The following HIP1 variants were observed in gnomAD, a reference collection of about 807,000 sequenced individuals.
HIP1 encodes the protein huntingtin interacting protein 1, also known as huntingtin-interacting protein 1.
HIP1 carries 65 observed loss-of-function variants against 147.6 expected under a neutral mutation model. The observed-to-expected ratio is 0.44, with a 90% CI of 0.36 to 0.54. HIP1 has a LOEUF of 0.54. HIP1 is among the 20% of genes least tolerant of loss of function. The pLI, the probability that HIP1 is intolerant of heterozygous loss-of-function variation, is 0.00. For synonymous variants in HIP1, 479 were observed against 504.0 expected, an observed-to-expected ratio of 0.95 and a Z score of 0.67; for missense variants, 1,061 against 1,299.6, an observed-to-expected ratio of 0.82 and a Z score of 2.82.
intron 1 of HIP1, among the ~76,000 whole-genome samples, chr7:75,656,343 A>T (rs1351093878): frequency 6.6e-6 from 1 of 151,864 alleles, no homozygotes; most frequent in Non-Finnish European, 1.5e-5. Context: ...TTCAGATGGT[A>T]CCAAACAGTG....
chr7:75,604,705 G>A (rs587673605), intron 1 of HIP1, among the ~76,000 whole-genome samples: 31 of 146,856 alleles, frequency 2.1e-4, no homozygotes, highest in South Asian at 2.1e-3. Context: ...GGAAGGGAGG[G>A]AGGGAGGGAA....
In HIP1 at chr7:75,536,106, C is replaced by G. The variant is rs587610004; in HGVS notation, c.*2066G>C. The G allele has an allele frequency of 1.6e-5, 3 of 192,228 alleles. No homozygotes were observed. The South Asian group carries it at 5.8e-4, about 37-fold the overall frequency. 11.9% of individuals were successfully genotyped at this position (192,228 alleles called of 1,614,324 possible). On this transcript the variant is annotated 3_prime_UTR_variant, in exon 31 of 31. Transcript: ENST00000336926. ...TGGAAATGTTGACCCGCATCAAGAACACACCGATTGGTTTAGTTGCCACAA... is the reference window on the plus strand; with the variant it reads ...TGGAAATGTTGACCCGCATCAAGAAGACACCGATTGGTTTAGTTGCCACAA...
intron 1 of HIP1, among the ~76,000 whole-genome samples, chr7:75,601,023 A>C (rs2117013257): frequency 6.6e-6 from 1 of 151,994 alleles, no homozygotes; most frequent in South Asian, 2.1e-4. Flanking sequence ...CTCCCAAAAC[A>C]CTGGGATTAC....
At position 75,659,609 on chromosome 7, in the gene HIP1, A is replaced by T. The variant is rs192426494; in HGVS notation, c.121-60362T>A. 2.6e-5 allele frequency among the ~76,000 whole-genome samples: 4 copies of T among 152,142 alleles called. No homozygotes were observed. In the East Asian group the frequency reaches 7.8e-4, roughly 30 times the overall value. On this transcript the variant is annotated intron_variant, in intron 1 of 30. Coordinates refer to ENST00000336926, the MANE Select transcript of HIP1 (RefSeq NM_005338.7). ...GGTTGCAGAGAGCCAAGATTGCGCCACTGGACTCCAGCCTGGGTGACAGAG... is the reference window on the plus strand; with the variant it reads ...GGTTGCAGAGAGCCAAGATTGCGCCTCTGGACTCCAGCCTGGGTGACAGAG...
intron 1 of HIP1, among the ~76,000 whole-genome samples, chr7:75,612,949 C>T (rs1554505332): frequency 6.6e-6 from 1 of 151,940 alleles, no homozygotes; most frequent in Non-Finnish European, 1.5e-5. Flanking sequence ...ACTAAAAATA[C>T]AAAAATTAGC....
At chr7:75,619,720 C>T (rs1254812822) in intron 1 of HIP1, among the ~76,000 whole-genome samples, 4 of 152,084 alleles carry the variant, frequency 2.6e-5, no homozygotes, top group African/African-American at 9.7e-5. Context: ...AAGACATTGG[C>T]ATTCGATACC....
intron 9 of HIP1, among the ~76,000 whole-genome samples, chr7:75,563,763 G>A (rs1554495017): frequency 1.3e-5 from 2 of 152,198 alleles, no homozygotes; most frequent in East Asian, 1.9e-4. Context: ...ACTGAGCTCC[G>A]CTGAGCTGTT....
intron 3 of HIP1, 24 bp downstream of exon 3, chr7:75,592,348 C>T (rs1554500961): frequency 6.3e-7 from 1 of 1,588,598 alleles, no homozygotes; most frequent in South Asian, 1.1e-5. Context: ...GGCTCCCTGC[C>T]ACCCCATAGC....
intron 1 of HIP1, among the ~76,000 whole-genome samples, chr7:75,667,557 C>T (rs758043587): frequency 3.8e-4 from 58 of 152,214 alleles, no homozygotes; most frequent in Non-Finnish European, 6.8e-4. Context: ...TCAATCATAG[C>T]TCACTGCAGT....
At chr7:75,655,433 T>A (rs1481510799) in intron 1 of HIP1, among the ~76,000 whole-genome samples, 1 of 151,584 alleles carries the variant, frequency 6.6e-6, no homozygotes, top group Non-Finnish European at 1.5e-5. Flanking sequence ...ACAAAAAAAA[T>A]TAGCCAGGTG....
At chr7:75,652,134 G>A (rs1031519352) in intron 1 of HIP1, among the ~76,000 whole-genome samples, 3 of 151,102 alleles carry the variant, frequency 2.0e-5, no homozygotes, top group Admixed American at 6.6e-5. Flanking sequence ...TGGCCAACAT[G>A]GTGAAACCCC....
At chr7:75,698,635 T>G (rs1800712048) in intron 1 of HIP1, among the ~76,000 whole-genome samples, 1 of 151,794 alleles carries the variant, frequency 6.6e-6, no homozygotes, top group Non-Finnish European at 1.5e-5. Flanking sequence ...CTGGGCAACA[T>G]AGCAAGACCC....
chr7:75,664,294 A>C (rs1291645186), intron 1 of HIP1, among the ~76,000 whole-genome samples: 2 of 77,486 alleles, frequency 2.6e-5, no homozygotes, highest in African/African-American at 1.2e-4. Context: ...ACATATATGT[A>C]TGTATATATG....
intron 1 of HIP1, among the ~76,000 whole-genome samples, chr7:75,734,297 A>G (rs889302996): frequency 8.0e-5 from 12 of 149,952 alleles, no homozygotes; most frequent in African/African-American, 2.7e-4. Context: ...AATTTTAAAG[A>G]TCAGCTAAGC....
intron 1 of HIP1, among the ~76,000 whole-genome samples, chr7:75,703,099 G>A (rs532616464): frequency 9.2e-5 from 14 of 152,242 alleles, no homozygotes; most frequent in Middle Eastern, 3.4e-3. Flanking sequence ...CCTGTAATCC[G>A]AACACACTGG....
At chr7:75,674,770 C>G (rs528349333) in intron 1 of HIP1, among the ~76,000 whole-genome samples, 5 of 151,604 alleles carry the variant, frequency 3.3e-5, no homozygotes, top group Non-Finnish European at 7.4e-5. Context: ...GGATTACAGG[C>G]GTGAGCCACC....
At chr7:75,645,416 G>A (rs1377190274) in intron 1 of HIP1, among the ~76,000 whole-genome samples, 3 of 151,874 alleles carry the variant, frequency 2.0e-5, no homozygotes, top group South Asian at 2.1e-4. Flanking sequence ...TAGTAGAGAC[G>A]GGGTTTCACC....
rs560001036 is a variant in HIP1 at position 75,668,474 on chromosome 7, G to A, written c.121-69227C>T. On this transcript the variant is annotated intron_variant, in intron 1 of 30. Coordinates refer to ENST00000336926, the MANE Select transcript of HIP1 (RefSeq NM_005338.7). ...CGAGTAGCTGGGTTTACAGGTGGCC[G>A]CCAGCACACCGGGCTAATTTTTGTA... Among the ~76,000 whole-genome samples, 15 of 152,228 alleles carry A rather than the reference G, an allele frequency of 9.9e-5. No individual in the cohort carries two copies. In the South Asian group the frequency reaches 2.9e-3, roughly 30 times the overall value.
intron 25 of HIP1, among the ~76,000 whole-genome samples, 156 bp from the exon 26 acceptor site, chr7:75,545,344 C>A (rs1205371227): frequency 6.6e-6 from 1 of 152,106 alleles, no homozygotes; most frequent in Non-Finnish European, 1.5e-5. Context: ...GATTCAGAGA[C>A]CAAAATGGCT....
Sources: gnomAD v4.1 joint callset for allele counts (sites outside exome capture counted in the v4.1 genomes callset) on GRCh38, gnomAD v4.1.1 for gene constraint, MANE v1.5 for transcripts, NCBI Gene and HGNC (gene_info 2026-07-23, HGNC 2026-07-21) for gene names.